Variants in PACRG observed in about 807,000 individuals in gnomAD.
The protein encoded by PACRG is parkin coregulated gene protein.
In PACRG, 29 loss-of-function variants were observed where a neutral mutation model predicts 29.7. That is an observed-to-expected ratio of 0.98 (90% CI 0.73 to 1.33). The LOEUF (loss-of-function observed/expected upper bound fraction) is 1.33, where lower values mean the gene tolerates loss of function less well. Ranked by LOEUF, PACRG falls within the 40% of genes most tolerant of loss-of-function variation. The probability of loss-of-function intolerance (pLI) is 0.00; values close to 1 mark genes in which losing one functional copy is unlikely to be tolerated. For synonymous variants in PACRG, 116 were observed against 118.7 expected, an observed-to-expected ratio of 0.98 and a Z score of 0.15; for missense variants, 279 against 316.2, an observed-to-expected ratio of 0.88 and a Z score of 0.89.
chr6:163,295,926 G>T (rs1784765145), intron 4 of PACRG, among the ~76,000 whole-genome samples: 1 of 152,090 alleles, frequency 6.6e-6, no homozygotes, highest in Non-Finnish European at 1.5e-5. Context: ...GCCAATTCAG[G>T]GTCCTTGTCC....
At chr6:163,134,257 A>G (rs1221333325) in intron 4 of PACRG, among the ~76,000 whole-genome samples, 1 of 152,138 alleles carries the variant, frequency 6.6e-6, no homozygotes, top group Non-Finnish European at 1.5e-5. Context: ...TTAGAATGCC[A>G]TTGCCTTCTT....
rs375142150 is a variant in PACRG, at chr6:163,120,688, GA to G, written c.613+31290del. The stretch of plus-strand genomic sequence containing the variant: ...TTTTGTTTTTGGTTTTTCTTTTTAA[GA>G]AAAAAAAAATACTGTGGACTTCTGT... On this transcript the variant is annotated intron_variant, in intron 4 of 4. Coordinates refer to ENST00000366888, the MANE Select transcript of PACRG (RefSeq NM_001080379.2). 4.5e-3 allele frequency among the ~76,000 whole-genome samples: 669 copies of G among 149,060 alleles called. 4 individuals carry two copies. Among genetic ancestry groups the G allele is most frequent in the African/African-American group, 0.016 (636 of 40,716 alleles).
chr6:162,847,835 A>C (rs1032882787), intron 2 of PACRG, among the ~76,000 whole-genome samples: 2 of 152,128 alleles, frequency 1.3e-5, no homozygotes, highest in African/African-American at 4.8e-5. Flanking sequence ...CCTGACCATC[A>C]AGTATTTTAT....
Position 162,728,179 on chromosome 6 carries a change from A to G in PACRG, c.-57A>G. The stretch of plus-strand genomic sequence containing the variant: ...TTCCAGACCTCCTGCTCACATCCGT[A>G]AAGCCCACTGATTCTTTTACTACAC... On this transcript the variant is annotated 5_prime_UTR_variant, in exon 1 of 5. Coordinates refer to ENST00000366888, the MANE Select transcript of PACRG (RefSeq NM_001080379.2). 6.3e-7 allele frequency: 1 copy of G among 1,582,748 alleles called. No individual in the cohort carries two copies. The highest frequency in any genetic ancestry group is 8.6e-7 in the Non-Finnish European group (1 of 1,162,454).
At chr6:163,026,276 C>A (rs61224297) in intron 2 of PACRG, among the ~76,000 whole-genome samples, 4,650 of 152,280 alleles carry the variant, frequency 0.031, 160 homozygotes, top group African/African-American at 0.081. Context: ...TAGTCAATGT[C>A]TTTTGATTCA....
chr6:163,022,383 C>G (rs1269352425), intron 2 of PACRG, among the ~76,000 whole-genome samples: 3 of 152,210 alleles, frequency 2.0e-5, no homozygotes, highest in Non-Finnish European at 2.9e-5. Context: ...GTCACACTGT[C>G]TGAAATGTGT....
At chr6:163,095,354 CCGG>C in intron 4 of PACRG, 3 of 985,334 alleles carry the variant, frequency 3.0e-6, no homozygotes, top group Non-Finnish European at 3.6e-6. Flanking sequence ...TTGCGCCTGC[CCGG>C]AGGGAAGGAT....
intron 4 of PACRG, among the ~76,000 whole-genome samples, chr6:163,298,992 T>C (rs1218385039): frequency 6.6e-6 from 1 of 152,200 alleles, no homozygotes; most frequent in Non-Finnish European, 1.5e-5. Context: ...TTCCGTTCCT[T>C]GCCAGGACTT....
chr6:162,728,796 C>T (rs985427862), intron 1 of PACRG, among the ~76,000 whole-genome samples: 6 of 152,084 alleles, frequency 3.9e-5, no homozygotes, highest in Non-Finnish European at 5.9e-5. Flanking sequence ...GATATACAAC[C>T]GGGAACATAA....
chr6:163,314,917 A>G lies in PACRG; in HGVS notation c.704A>G (p.Tyr235Cys), dbSNP rs1452818929. ...GAGACACTGGAGGCCTTCGAGCGCTACGGAGGAGAAAATGCCTTTATCAAC... is the reference window on the plus strand; with the variant it reads ...GAGACACTGGAGGCCTTCGAGCGCTGCGGAGGAGAAAATGCCTTTATCAAC... ...IQETLEAFERYGGENAFINIK... is the reference protein window; with the variant it reads ...IQETLEAFERCGGENAFINIK... The change falls in exon 5 of 5, where the codon TAC becomes TGC. Residue 235 changes from tyrosine to cysteine, a missense_variant. Physicochemically the swap from Tyr to Cys is radical, Grantham distance 194. Coordinates refer to ENST00000366888, the MANE Select transcript of PACRG (RefSeq NM_001080379.2). 6 of 1,614,220 alleles carry G rather than the reference A, an allele frequency of 3.7e-6. No homozygotes were observed. Among genetic ancestry groups the G allele is most frequent in the Non-Finnish European group, 4.2e-6 (5 of 1,180,032 alleles).
chr6:163,077,776 A>G (rs1812680561), intron 3 of PACRG, among the ~76,000 whole-genome samples: 1 of 152,236 alleles, frequency 6.6e-6, no homozygotes, highest in Non-Finnish European at 1.5e-5. Flanking sequence ...GTTACCAGAT[A>G]CAGAAAGAAA....
intron 4 of PACRG, among the ~76,000 whole-genome samples, chr6:163,113,146 C>G (rs1168534436): frequency 5.3e-5 from 8 of 152,056 alleles, no homozygotes; most frequent in Non-Finnish European, 1.2e-4. Context: ...TTAGAGTGGA[C>G]AGAAACATCA....
At chr6:163,294,243 G>T (rs986239806) in intron 4 of PACRG, among the ~76,000 whole-genome samples, 1 of 151,898 alleles carries the variant, frequency 6.6e-6, no homozygotes, top group Admixed American at 6.6e-5. Context: ...CTATAATATT[G>T]CTTTATGTAT....
intron 2 of PACRG, among the ~76,000 whole-genome samples, chr6:163,044,309 A>C (rs571881159): frequency 6.6e-6 from 1 of 152,092 alleles, no homozygotes; most frequent in African/African-American, 2.4e-5. Flanking sequence ...CTGGGACCAC[A>C]GGTGCATATC....
chr6:163,234,620 C>T (rs956770747), intron 4 of PACRG, among the ~76,000 whole-genome samples: 5 of 152,222 alleles, frequency 3.3e-5, no homozygotes, highest in East Asian at 3.9e-4. Context: ...AAGGGACAGA[C>T]GGCTCCCAAA....
intron 2 of PACRG, among the ~76,000 whole-genome samples, chr6:162,954,723 G>C (rs1799895890): frequency 6.6e-6 from 1 of 152,116 alleles, no homozygotes; most frequent in African/African-American, 2.4e-5. Context: ...AAAACCTCAT[G>C]TCAAGTAGCT....
At chr6:162,979,414 G>C (rs1321849865) in intron 2 of PACRG, among the ~76,000 whole-genome samples, 1 of 152,010 alleles carries the variant, frequency 6.6e-6, no homozygotes, top group East Asian at 1.9e-4. Flanking sequence ...TTATATTCTG[G>C]ATATTAACTC....
At chr6:162,846,742 CT>C (rs1790414787) in intron 2 of PACRG, among the ~76,000 whole-genome samples, 1 of 152,242 alleles carries the variant, frequency 6.6e-6, no homozygotes, top group Admixed American at 6.5e-5. Flanking sequence ...TTTTTGTAGC[CT>C]TTTGGGTGGT....
intron 2 of PACRG, among the ~76,000 whole-genome samples, chr6:162,983,838 A>G (rs1449029664): frequency 2.0e-5 from 3 of 151,882 alleles, no homozygotes. Flanking sequence ...ACTTCTTGTA[A>G]TTGGATGTCT....
Sources: allele counts gnomAD v4.1 joint callset (sites outside exome capture counted in the v4.1 genomes callset), GRCh38; gene constraint gnomAD v4.1.1; transcripts MANE v1.5; gene names NCBI Gene and HGNC (gene_info 2026-07-23, HGNC 2026-07-21).